The following CSMD1 variants were observed in gnomAD, a reference collection of about 807,000 sequenced individuals.
CSMD1 encodes the protein CUB and Sushi multiple domains 1.
CSMD1 carries 213 observed loss-of-function variants against 417.5 expected under a neutral mutation model. The observed-to-expected ratio is 0.51, with a 90% confidence interval of 0.46 to 0.57. The LOEUF is 0.57. CSMD1 is among the 20% of genes least tolerant of loss of function. The probability of loss-of-function intolerance (pLI) is 0.00; values close to 1 mark genes in which losing one functional copy is unlikely to be tolerated. For synonymous variants in CSMD1, 2,862 were observed against 1,736.8 expected (o/e 1.65, Z -16.11); for missense variants, 6,923 against 4,529.7 (o/e 1.53, Z -15.17).
intron 5 of CSMD1, among the ~76,000 whole-genome samples, chr8:3,803,910 G>C (rs547106591): frequency 6.6e-6 from 1 of 152,070 alleles, no homozygotes; most frequent in African/African-American, 2.4e-5. Flanking sequence ...AAGGAGAGAA[G>C]GTTAAGAGAC....
chr8:4,732,152 C>T (rs1809923317), intron 1 of CSMD1, among the ~76,000 whole-genome samples: 1 of 152,066 alleles, frequency 6.6e-6, no homozygotes, highest in Non-Finnish European at 1.5e-5. Flanking sequence ...ATAATGTTCC[C>T]AGGACCCAGT....
At chr8:3,311,028 A>G (rs557363559) in intron 23 of CSMD1, among the ~76,000 whole-genome samples, 149 of 152,292 alleles carry the variant, frequency 9.8e-4, no homozygotes, top group African/African-American at 3.5e-3. Context: ...TTAACAAATG[A>G]GGTTACGTCC....
At chr8:4,061,150 C>T (rs2911720) in intron 3 of CSMD1, among the ~76,000 whole-genome samples, 129,175 of 152,026 alleles carry the variant, frequency 0.85, 55,655 homozygotes, top group Admixed American at 0.93. Context: ...CATCCCCATC[C>T]TTGCCCCTTA....
intron 1 of CSMD1, among the ~76,000 whole-genome samples, chr8:4,901,821 A>G (rs761876874): frequency 6.6e-6 from 1 of 152,094 alleles, no homozygotes; most frequent in Non-Finnish European, 1.5e-5. Context: ...TCTCAAAGAA[A>G]TAAGATAAAT....
chr8:4,621,805 T>C (rs191677684), intron 2 of CSMD1, among the ~76,000 whole-genome samples: 10 of 152,190 alleles, frequency 6.6e-5, no homozygotes, highest in East Asian at 1.9e-4. Flanking sequence ...AACCCAATAA[T>C]ATATTTGAAA....
intron 2 of CSMD1, among the ~76,000 whole-genome samples, chr8:4,592,677 G>C (rs1372209810): frequency 6.6e-6 from 1 of 152,126 alleles, no homozygotes; most frequent in East Asian, 1.9e-4. Context: ...GTGAGCCACT[G>C]TACCCGGCCT....
chr8:4,197,745 G>T (rs755329389), intron 3 of CSMD1, among the ~76,000 whole-genome samples: 1 of 152,122 alleles, frequency 6.6e-6, no homozygotes, highest in Admixed American at 6.6e-5. Context: ...TGGGCATGGT[G>T]GTGCGTTCTT....
At chr8:4,657,409 T>C (rs1585403936) in intron 1 of CSMD1, among the ~76,000 whole-genome samples, 1 of 152,182 alleles carries the variant, frequency 6.6e-6, no homozygotes, top group East Asian at 1.9e-4. Context: ...TTCATGTCCA[T>C]TCCCTTCCCT....
chr8:4,935,336 C>T (rs184179753), intron 1 of CSMD1, among the ~76,000 whole-genome samples: 4 of 152,190 alleles, frequency 2.6e-5, no homozygotes, highest in Non-Finnish European at 5.9e-5. Flanking sequence ...CCCCTGCGCC[C>T]TCTGGGTGGA....
chr8:3,894,040 G>T (rs1048845354), intron 5 of CSMD1, among the ~76,000 whole-genome samples: 3 of 151,892 alleles, frequency 2.0e-5, no homozygotes, highest in African/African-American at 7.3e-5. Flanking sequence ...TCTCCATAGT[G>T]CTGGTCATTG....
intron 1 of CSMD1, among the ~76,000 whole-genome samples, chr8:4,896,146 T>C (rs922576203): frequency 2.6e-5 from 4 of 152,136 alleles, no homozygotes; most frequent in Non-Finnish European, 4.4e-5. Flanking sequence ...AAATATTTTT[T>C]TAAACATTTG....
At chr8:3,178,383 C>G (rs941791999) in intron 37 of CSMD1, among the ~76,000 whole-genome samples, 1 of 151,744 alleles carries the variant, frequency 6.6e-6, no homozygotes, top group Admixed American at 6.6e-5. Flanking sequence ...TCAGTATGGA[C>G]TCACAAGCTC....
At chr8:4,365,316 A>G (rs1002239156) in intron 3 of CSMD1, among the ~76,000 whole-genome samples, 1 of 152,232 alleles carries the variant, frequency 6.6e-6, no homozygotes, top group Non-Finnish European at 1.5e-5. Flanking sequence ...TGATTCTGAA[A>G]ACTGTACAAC....
intron 5 of CSMD1, among the ~76,000 whole-genome samples, chr8:3,761,633 G>A (rs950871252): frequency 2.0e-5 from 3 of 151,094 alleles, no homozygotes; most frequent in Non-Finnish European, 2.9e-5. Context: ...AGACTGCTGA[G>A]TATCTGGGAT....
chr8:3,140,096 G>C (rs1585451946), intron 41 of CSMD1, among the ~76,000 whole-genome samples: 1 of 151,750 alleles, frequency 6.6e-6, no homozygotes, highest in African/African-American at 2.4e-5. Flanking sequence ...TAGAGATGTG[G>C]TTTCACCATA....
At chr8:3,487,137 G>C (rs1457567510) in intron 11 of CSMD1, among the ~76,000 whole-genome samples, 1 of 152,110 alleles carries the variant, frequency 6.6e-6, no homozygotes, top group East Asian at 1.9e-4. Flanking sequence ...GAAATGACTT[G>C]GTTATTCCAG....
intron 3 of CSMD1, among the ~76,000 whole-genome samples, chr8:4,110,358 GTA>G (rs1563136250): frequency 6.6e-6 from 1 of 152,106 alleles, no homozygotes. Context: ...CTATGGATAT[GTA>G]TGTTTTTAAT....
intron 5 of CSMD1, among the ~76,000 whole-genome samples, chr8:3,894,183 C>T (rs138751753): frequency 1.3e-5 from 2 of 152,108 alleles, no homozygotes; most frequent in Non-Finnish European, 1.5e-5. Context: ...TGCTGTGTGT[C>T]TTTTGTTTGA....
rs145907502 is a variant in CSMD1, at chr8:3,062,485, T to C, written c.7475-9838A>G. On this transcript the variant is annotated intron_variant, in intron 49 of 69. Transcript: ENST00000635120. ...AAGTGTGTCTGAAAATGAATGTCCATAGAGGGAACTAATGACTTGGCTTTT... is the reference window on the plus strand; with the variant it reads ...AAGTGTGTCTGAAAATGAATGTCCACAGAGGGAACTAATGACTTGGCTTTT... Among the ~76,000 whole-genome samples, 1,090 of 151,100 alleles carry C rather than the reference T, an allele frequency of 7.2e-3. 18 individuals are homozygous for C. The highest frequency in any genetic ancestry group is 0.025 in the African/African-American group (1,023 of 41,070).
Sources: gnomAD v4.1 joint callset for allele counts (sites outside exome capture counted in the v4.1 genomes callset) on GRCh38, gnomAD v4.1.1 for gene constraint, MANE v1.5 for transcripts, NCBI Gene and HGNC (gene_info 2026-07-23, HGNC 2026-07-21) for gene names.